The following COL16A1 variants were observed in gnomAD, a reference collection of about 807,000 sequenced individuals.
COL16A1 encodes the protein collagen type XVI alpha 1 chain.
A neutral mutation model predicts 266.3 loss-of-function variants in COL16A1; 189 were observed. That is an observed-to-expected ratio of 0.71 (90% CI 0.63 to 0.80). The LOEUF (loss-of-function observed/expected upper bound fraction) is 0.80. Ranked by LOEUF, COL16A1 falls within the 30% of genes least tolerant of loss-of-function variation. The probability of loss-of-function intolerance (pLI) is 0.00; values close to 1 mark genes in which losing one functional copy is unlikely to be tolerated. For synonymous variants in COL16A1, 740 were observed against 782.3 expected, an observed-to-expected ratio of 0.95 and a Z score of 0.90; for missense variants, 1,928 against 2,122.4, an observed-to-expected ratio of 0.91 and a Z score of 1.80.
At chr1:31,661,314 G>T (rs183774055) in intron 60 of COL16A1, 100 bp downstream of exon 60, 15 of 1,586,602 alleles carry the variant, frequency 9.5e-6, no homozygotes, top group Non-Finnish European at 1.3e-5. Flanking sequence ...CTCTGATGCT[G>T]GGATGGCCTC....
chr1:31,676,184 G>A (rs537868039), intron 42 of COL16A1, among the ~76,000 whole-genome samples: 13 of 152,278 alleles, frequency 8.5e-5, no homozygotes, highest in Non-Finnish European at 1.5e-4. Flanking sequence ...AGTTAGCAGG[G>A]CATGGTGGTG....
intron 20 of COL16A1, 108 bp downstream of exon 20, chr1:31,691,080 C>T: frequency 6.6e-7 from 1 of 1,515,508 alleles, no homozygotes; most frequent in Non-Finnish European, 8.9e-7. Context: ...AAAGGCCCGG[C>T]CTCCTCCCTG....
rs1641935989 is a variant in COL16A1 at position 31,664,209 on chromosome 1, C to T, written c.3555+963G>A. On this transcript the variant is annotated intron_variant, in intron 56 of 70. Transcript: ENST00000373672. This position sits in a 1 kb window ranked among gnomAD's most constrained non-coding sequence, Gnocchi z 5.5. ...AGGGGAAGGGGAAGGGGGCTAGCAA[C>T]CACCACTGTCCCAAGCATGGCTGAT... 6.6e-6 allele frequency among the ~76,000 whole-genome samples: 1 copy of T among 152,052 alleles called. No individual in the cohort carries two copies. Among genetic ancestry groups the T allele is most frequent in the African/African-American group, 2.4e-5 (1 of 41,390 alleles).
At position 31,668,012 on chromosome 1, in the gene COL16A1, G is replaced by C. The variant is rs1642289035; in HGVS notation, c.3303+153C>G. Among the ~76,000 whole-genome samples the C allele has an allele frequency of 1.3e-5, 2 of 152,216 alleles. No homozygotes were observed. The highest frequency in any genetic ancestry group is 1.3e-4 in the Admixed American group (2 of 15,288). On this transcript the variant is annotated intron_variant, in intron 51 of 70. Coordinates refer to ENST00000373672, the MANE Select transcript of COL16A1 (RefSeq NM_001856.4). This position sits in a 1 kb window ranked among gnomAD's most constrained non-coding sequence, Gnocchi z 5.8. The stretch of plus-strand genomic sequence containing the variant: ...CTGCCAAGGGGGCCTACAGTGGGGA[G>C]AGGGGGCTGCATGGACTTTAGGCAA...
At chr1:31,675,120 C>G in intron 43 of COL16A1, 81 bp from the exon 44 acceptor site, 2 of 1,609,170 alleles carry the variant, frequency 1.2e-6, no homozygotes, top group Non-Finnish European at 1.7e-6. Context: ...AGCCTTGGGA[C>G]ACGTCATGCA....
rs1641214797 is a variant in COL16A1, at chr1:31,656,926, G to A, written c.4056+107C>T. 6.7e-7 allele frequency: 1 copy of A among 1,484,360 alleles called. No individual in the cohort carries two copies. Among genetic ancestry groups the A allele is most frequent in the African/African-American group, 1.4e-5 (1 of 72,192 alleles). 91.9% of individuals were successfully genotyped at this position (1,484,360 alleles called of 1,614,324 possible). The stretch of plus-strand genomic sequence containing the variant: ...ACAGGGTTAACAATTTCCAGAGACA[G>A]CCCGTACATAGAAGGAATGTTTACT... On this transcript the variant is annotated intron_variant, in intron 65 of 70. Transcript: ENST00000373672. This position sits in a 1 kb window ranked among gnomAD's most constrained non-coding sequence, Gnocchi z 4.2.
intron 47 of COL16A1, 26 bp from the exon 48 acceptor site, chr1:31,671,685 A>G (rs768682102): frequency 6.2e-7 from 1 of 1,613,880 alleles, no homozygotes; most frequent in Non-Finnish European, 8.5e-7. Context: ...AGGGAAATGG[A>G]TGAAGAGGCC....
Position 31,694,132 on chromosome 1 carries a change from A to C in COL16A1, c.1008+12T>G. 1 of 1,600,936 alleles carries C rather than the reference A, an allele frequency of 6.2e-7. No individual in the cohort carries two copies. Among genetic ancestry groups the C allele is most frequent in the South Asian group, 1.1e-5 (1 of 88,596 alleles). ...AGAGGACGGGAATGTCCCGTTCTCC[A>C]TTAGGACTCACCTTGGGGCCAGAGG... On this transcript the variant is annotated intron_variant, in intron 12 of 70. Transcript: ENST00000373672.
At position 31,697,208 on chromosome 1, in the gene COL16A1, C is replaced by T. The variant is rs766390060; in HGVS notation, c.738+12G>A. ...GTGTGTCCCTGGGCAGCCCAAGGGC[C>T]GGGCCACTCACCCCTGCTGGTAAAA... On this transcript the variant is annotated intron_variant, in intron 7 of 70. Coordinates refer to ENST00000373672, the MANE Select transcript of COL16A1 (RefSeq NM_001856.4). This position sits in a 1 kb window ranked among gnomAD's most constrained non-coding sequence, Gnocchi z 4.2. The T allele has an allele frequency of 4.2e-5, 67 of 1,613,096 alleles. No individual in the cohort carries two copies. Among genetic ancestry groups the T allele is most frequent in the Non-Finnish European group, 5.0e-5 (59 of 1,179,676 alleles).
Position 31,683,711 on chromosome 1 carries a change from G to A in COL16A1, c.2375C>T (p.Pro792Leu), listed in dbSNP as rs1484082745. The part of the protein sequence containing the change: ...PGPPGRGVQG[P>L]QGEPGAPGLP... The stretch of plus-strand genomic sequence containing the variant: ...AAGGCAGGGCTAGAGACTCACCTGG[G>A]GTCCCTGGACTCCCCTTCCTGGAGG... Residue 792 changes from proline (P) to leucine (L), a missense_variant, in exon 34 of 71, where the codon CCC becomes CTC. Physicochemically the swap from Pro to Leu is moderately conservative, Grantham distance 98. Transcript: ENST00000373672. 1 of 1,614,124 alleles carries A rather than the reference G, an allele frequency of 6.2e-7. No individual in the cohort carries two copies. Among genetic ancestry groups the A allele is most frequent in the Non-Finnish European group, 8.5e-7 (1 of 1,180,000 alleles).
Position 31,667,609 on chromosome 1 carries a change from C to A in COL16A1, c.3323G>T (p.Gly1108Val), listed in dbSNP as rs1193771439. Residue 1108 changes from glycine (G) to valine (V), a missense_variant, in exon 52 of 71, where the codon GGC (glycine) becomes GTC (valine). This residue lies in a region of COL16A1 where 1,552 missense variants were observed against 1,637.2 expected (regional missense o/e 0.95). Coordinates refer to ENST00000373672, the MANE Select transcript of COL16A1 (RefSeq NM_001856.4). ...TTTCTCTCCCGCTGACCCGGTGTAGCCACGCTCCCCCTTGATGCCCTGACA... is the reference window on the plus strand; with the variant it reads ...TTTCTCTCCCGCTGACCCGGTGTAGACACGCTCCCCCTTGATGCCCTGACA... ...PGLPGIKGER[G>V]YTGSAGEKGE... 1 of 1,605,018 alleles carries A rather than the reference C, an allele frequency of 6.2e-7. No individual in the cohort carries two copies. Among genetic ancestry groups the A allele is most frequent in the South Asian group, 1.1e-5 (1 of 89,182 alleles).
chr1:31,654,212 C>T (rs1323784498), intron 68 of COL16A1, among the ~76,000 whole-genome samples, 169 bp from the exon 69 acceptor site: 1 of 152,204 alleles, frequency 6.6e-6, no homozygotes, highest in Admixed American at 6.5e-5. Flanking sequence ...GTTCCCACGT[C>T]CTGGCCTCCA....
At chr1:31,661,894 T>C in intron 58 of COL16A1, 190 bp from the exon 59 acceptor site, 2 of 655,262 alleles carry the variant, frequency 3.1e-6, no homozygotes, top group South Asian at 4.1e-5. Flanking sequence ...GCCTTAGCTT[T>C]CCTTCTTTGG....
rs2148797171 is a variant in COL16A1, at chr1:31,689,323, C to T, written c.1621-238G>A. 11 of 647,050 alleles carry T rather than the reference C, an allele frequency of 1.7e-5. No homozygotes were observed. The South Asian group carries it at 2.0e-4, about 12-fold the overall frequency. The allele number at this position is 647,050 out of a possible 1,614,324, so 40.1% of individuals were successfully genotyped here. On this transcript the variant is annotated intron_variant, in intron 23 of 70. Coordinates refer to ENST00000373672, the MANE Select transcript of COL16A1 (RefSeq NM_001856.4). The stretch of plus-strand genomic sequence containing the variant: ...ACCCAGTGGGAAGTTCCTGCATATA[C>T]CCAATCACCTTTTTGTCTGACAGCT...
At chr1:31,681,721 C>T (rs1350279030) in intron 37 of COL16A1, among the ~76,000 whole-genome samples, 3 of 152,260 alleles carry the variant, frequency 2.0e-5, no homozygotes, top group Admixed American at 6.5e-5. Flanking sequence ...CCAGCCTGGC[C>T]ACGCAGAGGC....
intron 64 of COL16A1, among the ~76,000 whole-genome samples, chr1:31,658,231 G>A (rs576934623): frequency 3.5e-4 from 53 of 152,360 alleles, no homozygotes; most frequent in Middle Eastern, 3.4e-3. Flanking sequence ...ACAGGGACAC[G>A]TAGCCAAGGG....
At chr1:31,679,887 G>T in intron 40 of COL16A1, 36 bp from the exon 41 acceptor site, 7 of 1,507,188 alleles carry the variant, frequency 4.6e-6, no homozygotes, top group Non-Finnish European at 5.3e-6. Flanking sequence ...GAAGGGGAGA[G>T]GTTATAGGCA....
intron 49 of COL16A1, among the ~76,000 whole-genome samples, chr1:31,669,471 C>T (rs1642452999): frequency 6.6e-6 from 1 of 152,174 alleles, no homozygotes; most frequent in Non-Finnish European, 1.5e-5. Flanking sequence ...CTTACCCCAG[C>T]CTTTGCAGGT....
chr1:31,658,481 A>C lies in COL16A1; in HGVS notation c.4020+7T>G. On this transcript the variant is annotated splice_region_variant and intron_variant, in intron 64 of 70. Coordinates refer to ENST00000373672, the MANE Select transcript of COL16A1 (RefSeq NM_001856.4). The stretch of plus-strand genomic sequence containing the variant: ...CCTGGGCTATGCTGTAGAATGTGGG[A>C]TCTTACTGGGGGGCCAGGGTGTCCA... 6.3e-7 allele frequency: 1 copy of C among 1,596,028 alleles called. No individual in the cohort carries two copies. Among genetic ancestry groups the C allele is most frequent in the Non-Finnish European group, 8.5e-7 (1 of 1,171,310 alleles).
Sources: gnomAD v4.1 joint callset for allele counts (sites outside exome capture counted in the v4.1 genomes callset) on GRCh38, gnomAD v4.1.1 for gene constraint, gnomAD v4.1.1 regional missense constraint, Gnocchi (gnomAD v3.1) non-coding constraint, MANE v1.5 for transcripts, NCBI Gene and HGNC (gene_info 2026-07-23, HGNC 2026-07-21) for gene names.